The following GALNTL6 variants were observed in gnomAD, a reference collection of about 807,000 sequenced individuals.
GALNTL6 encodes the protein polypeptide N-acetylgalactosaminyltransferase-like 6.
Under a neutral mutation model 73.7 loss-of-function variants are expected in GALNTL6, and 46 were observed. That is an observed-to-expected ratio of 0.62 (90% confidence interval 0.49 to 0.80). The LOEUF (loss-of-function observed/expected upper bound fraction) is 0.80. GALNTL6 is among the 30% of genes least tolerant of loss of function. The probability of loss-of-function intolerance (pLI) is 0.00; values close to 1 mark genes in which losing one functional copy is unlikely to be tolerated. For missense variants in GALNTL6, 604 were observed against 755.0 expected (o/e 0.80, Z 2.34); for synonymous variants, 259 against 263.7 (o/e 0.98, Z 0.17).
chr4:171,916,556 A>G (rs563673882), intron 2 of GALNTL6, among the ~76,000 whole-genome samples: 2 of 152,248 alleles, frequency 1.3e-5, no homozygotes, highest in South Asian at 4.1e-4. Context: ...CTTTTATCTC[A>G]TTAAATCTTT....
intron 10 of GALNTL6, among the ~76,000 whole-genome samples, chr4:172,978,778 G>A (rs1750944573): frequency 6.6e-6 from 1 of 152,126 alleles, no homozygotes; most frequent in Non-Finnish European, 1.5e-5. Flanking sequence ...ATGCAATGTT[G>A]TGGCAAACAC....
intron 3 of GALNTL6, among the ~76,000 whole-genome samples, chr4:172,239,575 T>G: frequency 6.6e-6 from 1 of 152,162 alleles, no homozygotes; most frequent in Admixed American, 6.5e-5. Flanking sequence ...TTTTTATGTC[T>G]CAATTTCATT....
intron 3 of GALNTL6, among the ~76,000 whole-genome samples, chr4:172,240,253 T>C (rs933002865): frequency 6.6e-6 from 1 of 152,130 alleles, no homozygotes; most frequent in African/African-American, 2.4e-5. Context: ...AGATGGGATC[T>C]CACTCTGTCG....
chr4:172,089,176 G>A (rs1406626893), intron 2 of GALNTL6, among the ~76,000 whole-genome samples: 1 of 152,044 alleles, frequency 6.6e-6, no homozygotes, highest in African/African-American at 2.4e-5. Flanking sequence ...CTCAAAGCTA[G>A]GTCTCTATAT....
intron 2 of GALNTL6, among the ~76,000 whole-genome samples, chr4:172,228,500 G>A (rs1736944555): frequency 6.6e-6 from 1 of 151,930 alleles, no homozygotes; most frequent in African/African-American, 2.4e-5. Flanking sequence ...CTATGAAGAT[G>A]GGCTAAAGGT....
intron 2 of GALNTL6, among the ~76,000 whole-genome samples, chr4:172,121,258 TG>T (rs1733143099): frequency 3.6e-3 from 3 of 826 alleles, no homozygotes; most frequent in African/African-American, 6.2e-3. Context: ...CAAGAAGCAT[TG>T]TGTGTGTGTG....
chr4:172,479,084 C>T (rs1035344325), intron 5 of GALNTL6, among the ~76,000 whole-genome samples: 1 of 152,252 alleles, frequency 6.6e-6, no homozygotes, highest in East Asian at 1.9e-4. Flanking sequence ...ATTAGTACAG[C>T]CTCTATGGAA....
At chr4:172,670,272 G>A (rs1017862054) in intron 5 of GALNTL6, among the ~76,000 whole-genome samples, 1 of 152,058 alleles carries the variant, frequency 6.6e-6, no homozygotes, top group Non-Finnish European at 1.5e-5. Flanking sequence ...GCCACCAACA[G>A]TATATAAGCA....
At chr4:172,529,910 T>C (rs1221291113) in intron 5 of GALNTL6, among the ~76,000 whole-genome samples, 1 of 151,076 alleles carries the variant, frequency 6.6e-6, no homozygotes, top group Non-Finnish European at 1.5e-5. Flanking sequence ...TCTATTTATT[T>C]ATTGTATTTT....
intron 5 of GALNTL6, among the ~76,000 whole-genome samples, chr4:172,472,186 G>A (rs1430858020): frequency 1.3e-5 from 2 of 152,178 alleles, no homozygotes; most frequent in Non-Finnish European, 2.9e-5. Context: ...ATAGGTCTAA[G>A]AGTTGCATGG....
chr4:172,946,834 T>A (rs1010043657), intron 9 of GALNTL6, among the ~76,000 whole-genome samples: 1 of 152,146 alleles, frequency 6.6e-6, no homozygotes, highest in African/African-American at 2.4e-5. Context: ...AGTTTCTATG[T>A]GGAGAATTAT....
intron 2 of GALNTL6, among the ~76,000 whole-genome samples, chr4:172,166,307 G>C (rs112806905): frequency 2.8e-4 from 43 of 152,208 alleles, no homozygotes; most frequent in African/African-American, 1.0e-3. Context: ...GTAGCCAGGC[G>C]TGGTGGCGCA....
At chr4:172,864,333 G>A (rs1015507866) in intron 7 of GALNTL6, among the ~76,000 whole-genome samples, 1 of 152,116 alleles carries the variant, frequency 6.6e-6, no homozygotes, top group African/African-American at 2.4e-5. Context: ...ATTCATCAAT[G>A]CTTTCTCCCC....
At chr4:171,895,400 T>C (rs527508653) in intron 2 of GALNTL6, among the ~76,000 whole-genome samples, 99 of 152,206 alleles carry the variant, frequency 6.5e-4, no homozygotes, top group African/African-American at 2.3e-3. Flanking sequence ...GAGGGGAGTA[T>C]CTAGAAGAGG....
chr4:172,056,200 G>A (rs943860960), intron 2 of GALNTL6, among the ~76,000 whole-genome samples: 1 of 152,076 alleles, frequency 6.6e-6, no homozygotes, highest in African/African-American at 2.4e-5. Context: ...TATCGCTTAT[G>A]TTGTTTACAT....
chr4:172,062,124 A>ATT (rs375712652), intron 2 of GALNTL6, among the ~76,000 whole-genome samples: 151 of 143,770 alleles, frequency 1.1e-3, no homozygotes, highest in East Asian at 7.1e-3. Flanking sequence ...TAATTTTTGT[A>ATT]TTTTTTTTTT....
intron 2 of GALNTL6, among the ~76,000 whole-genome samples, chr4:172,096,027 A>G (rs1287414091): frequency 7.4e-6 from 1 of 135,382 alleles, no homozygotes; most frequent in East Asian, 2.1e-4. Context: ...AGCTTCCTGG[A>G]TTGATGTGTT....
chr4:172,958,944 A>G (rs1045859806), intron 10 of GALNTL6, among the ~76,000 whole-genome samples: 18 of 152,202 alleles, frequency 1.2e-4, no homozygotes, highest in Non-Finnish European at 1.5e-4. Context: ...AGGCAAAACA[A>G]TTTGGTTGAT....
chr4:172,779,871 G>A (rs937897606), intron 5 of GALNTL6, among the ~76,000 whole-genome samples: 10 of 151,956 alleles, frequency 6.6e-5, no homozygotes, highest in Admixed American at 2.0e-4. Flanking sequence ...TCCCCTTATC[G>A]TTGAGCTAAC....
Sources: allele counts gnomAD v4.1 joint callset (sites outside exome capture counted in the v4.1 genomes callset), GRCh38; gene constraint gnomAD v4.1.1; transcripts MANE v1.5; gene names NCBI Gene and HGNC (gene_info 2026-07-23, HGNC 2026-07-21).